VPS53: variants seen among roughly 807,000 people sequenced by gnomAD.
VPS53 encodes the protein vacuolar protein sorting-associated protein 53 homolog.
A neutral mutation model predicts 107.0 loss-of-function variants in VPS53; 70 were observed. That is an observed-to-expected ratio of 0.65 (90% CI 0.54 to 0.80). The LOEUF (loss-of-function observed/expected upper bound fraction) is 0.80. VPS53 is among the 30% of genes least tolerant of loss of function. The pLI is 0.00. For missense variants in VPS53, 917 were observed against 1,049.4 expected (o/e 0.87, Z 1.74); for synonymous variants, 409 against 393.3 (o/e 1.04, Z -0.47).
chr17:590,978 G>C (rs909491210), intron 12 of VPS53, among the ~76,000 whole-genome samples: 3 of 151,898 alleles, frequency 2.0e-5, no homozygotes, highest in African/African-American at 7.3e-5. Flanking sequence ...TGTACCTCTG[G>C]TAGAATTTGG....
intron 1 of VPS53, among the ~76,000 whole-genome samples, chr17:711,169 C>T (rs1378754432): frequency 6.6e-6 from 1 of 152,172 alleles, no homozygotes; most frequent in Non-Finnish European, 1.5e-5. Flanking sequence ...GAGATTCTAT[C>T]ACTGAACTCC....
At chr17:615,507 G>C (rs185043487) in intron 11 of VPS53, among the ~76,000 whole-genome samples, 1 of 152,132 alleles carries the variant, frequency 6.6e-6, no homozygotes, top group Non-Finnish European at 1.5e-5. Context: ...GGCGGCAGTG[G>C]GGGTAGGGTG....
chr17:700,546 T>C (rs1391305576), intron 2 of VPS53, among the ~76,000 whole-genome samples: 1 of 151,954 alleles, frequency 6.6e-6, no homozygotes, highest in African/African-American at 2.4e-5. Flanking sequence ...AGCAAAACTC[T>C]GTCTCAAAAA....
chr17:562,891 T>C (rs531414837), intron 13 of VPS53, 146 bp from the exon 14 acceptor site: 15 of 871,460 alleles, frequency 1.7e-5, no homozygotes, highest in Non-Finnish European at 2.6e-5. Flanking sequence ...TTTTAATCAA[T>C]ATCATCATTC....
intron 13 of VPS53, among the ~76,000 whole-genome samples, chr17:571,590 C>T (rs6598855): frequency 0.47 from 68,645 of 147,358 alleles, 15,343 homozygotes; most frequent in African/African-American, 0.61. Flanking sequence ...CCTCTGATGC[C>T]GAGCCGAAGC....
chr17:632,713 T>C (rs1259782716), intron 7 of VPS53: 3 of 456,346 alleles, frequency 6.6e-6, no homozygotes, highest in South Asian at 4.6e-5. Flanking sequence ...GCTATCTCCA[T>C]GAGTTTACTT....
In VPS53 at chr17:510,842, A is replaced by C. The variant is rs1907901815; in HGVS notation, c.*8286T>G. 6.6e-6 allele frequency: 1 copy of C among 152,616 alleles called. No homozygotes were observed. Among genetic ancestry groups the C allele is most frequent in the African/African-American group, 2.4e-5 (1 of 41,436 alleles). 9.5% of individuals were successfully genotyped at this position (152,616 alleles called of 1,614,324 possible). On this transcript the variant is annotated 3_prime_UTR_variant, in exon 22 of 22. Transcript: ENST00000437048. Reference sequence around the variant, plus strand: ...CCTCAGCACCCTCCTCTGGCCTCCGAGCTAGCCAGCTGCTGATCCAAAGCT... The same window carrying C: ...CCTCAGCACCCTCCTCTGGCCTCCGCGCTAGCCAGCTGCTGATCCAAAGCT...
At chr17:711,837 C>T (rs1359204800) in intron 1 of VPS53, among the ~76,000 whole-genome samples, 1 of 136,414 alleles carries the variant, frequency 7.3e-6, no homozygotes, top group Non-Finnish European at 1.6e-5. Context: ...TTTTTTTTGA[C>T]ACGGAGTCTC....
chr17:710,417 T>G, intron 2 of VPS53, 116 bp downstream of exon 2: 1 of 765,638 alleles, frequency 1.3e-6, no homozygotes, highest in Non-Finnish European at 2.2e-6. Flanking sequence ...TTGATTTGAA[T>G]TTAACTCTCC....
chr17:522,186 T>C (rs1159498797), intron 19 of VPS53, among the ~76,000 whole-genome samples: 2 of 152,016 alleles, frequency 1.3e-5, no homozygotes, highest in African/African-American at 4.8e-5. Context: ...GCCTGGGAGG[T>C]TGAGGCTGCA....
At chr17:577,702 C>A (rs561556127) in intron 13 of VPS53, among the ~76,000 whole-genome samples, 1 of 151,862 alleles carries the variant, frequency 6.6e-6, no homozygotes, top group Non-Finnish European at 1.5e-5. Flanking sequence ...TACCAGAGAA[C>A]CTTCCTAAGC....
intron 15 of VPS53, among the ~76,000 whole-genome samples, chr17:559,240 T>G (rs1273262349): frequency 2.0e-5 from 3 of 152,242 alleles, no homozygotes; most frequent in African/African-American, 7.2e-5. Context: ...CCCAAATTGC[T>G]AATATGATTA....
At chr17:613,550 G>A (rs1968995521) in intron 11 of VPS53, among the ~76,000 whole-genome samples, 1 of 148,698 alleles carries the variant, frequency 6.7e-6, no homozygotes, top group South Asian at 2.1e-4. Context: ...GTGAAAACCT[G>A]TACAGATATT....
Position 683,051 on chromosome 17 carries a change from G to A in VPS53, c.285+14367C>T, listed in dbSNP as rs559160802. ...TTCCTTCAACAGCCTCATCACACTCGACACAGCAAAAAAAGGATTGGTGAA... is the reference window on the plus strand; with the variant it reads ...TTCCTTCAACAGCCTCATCACACTCAACACAGCAAAAAAAGGATTGGTGAA... On this transcript the variant is annotated intron_variant, in intron 4 of 21. Transcript: ENST00000437048. 1.1e-4 allele frequency among the ~76,000 whole-genome samples: 16 copies of A among 152,124 alleles called. 1 individual carries two copies. The highest frequency in any genetic ancestry group is 3.4e-4 in the African/African-American group (14 of 41,512).
rs1218874825 is a variant in VPS53 at position 537,015 on chromosome 17, C to A, written c.2015+13G>T. ...GAACAAGAACCCAGAGATGAGCACG[C>A]CCCAGGACTTACTTTGCAAATTTAA... is the stretch of plus-strand genomic sequence containing the variant. On this transcript the variant is annotated intron_variant, in intron 18 of 21. Transcript: ENST00000437048. 1 of 1,614,046 alleles carries A rather than the reference C, an allele frequency of 6.2e-7. No individual in the cohort carries two copies. The highest frequency in any genetic ancestry group is 2.2e-5 in the East Asian group (1 of 44,888).
At position 652,742 on chromosome 17, in the gene VPS53, C is replaced by T. The variant is rs1273577746; in HGVS notation, c.608+549G>A. 2.0e-5 allele frequency among the ~76,000 whole-genome samples: 3 copies of T among 152,352 alleles called. No homozygotes were observed. The East Asian group carries it at 5.8e-4, about 29-fold the overall frequency. ...GCAAAACAATTATTGTTTTAAGCTA[C>T]TAAGTTTTGTGCTGGTTTGTTACAA... is the stretch of plus-strand genomic sequence containing the variant. On this transcript the variant is annotated intron_variant, in intron 7 of 21. Transcript: ENST00000437048.
At chr17:561,741 T>C (rs1913019035) in intron 14 of VPS53, among the ~76,000 whole-genome samples, 1 of 152,196 alleles carries the variant, frequency 6.6e-6, no homozygotes, top group Non-Finnish European at 1.5e-5. Flanking sequence ...GTGATTCTCC[T>C]GCCTCAGCCT....
At chr17:577,154 T>C (rs1285915240) in intron 13 of VPS53, among the ~76,000 whole-genome samples, 2 of 146,764 alleles carry the variant, frequency 1.4e-5, no homozygotes, top group Non-Finnish European at 3.0e-5. Flanking sequence ...CCAGAAAACC[T>C]CCTTCAGAAC....
intron 7 of VPS53, among the ~76,000 whole-genome samples, chr17:637,327 G>A (rs1363473588): frequency 1.3e-5 from 2 of 151,778 alleles, no homozygotes; most frequent in African/African-American, 4.8e-5. Context: ...TATTAGTCTT[G>A]CTAGCAGTCT....
Sources: allele counts gnomAD v4.1 joint callset (sites outside exome capture counted in the v4.1 genomes callset), GRCh38; gene constraint gnomAD v4.1.1; transcripts MANE v1.5; gene names NCBI Gene and HGNC (gene_info 2026-07-23, HGNC 2026-07-21).